The following ABCC4 variants were observed in gnomAD, a reference collection of about 807,000 sequenced individuals.
The protein encoded by ABCC4 is ATP binding cassette subfamily C member 4 (PEL blood group).
In ABCC4, 102 loss-of-function variants were observed where a neutral mutation model predicts 168.5. That is an observed-to-expected ratio of 0.61 (90% confidence interval 0.52 to 0.71). The LOEUF (loss-of-function observed/expected upper bound fraction) is 0.71. ABCC4 is among the 30% of genes least tolerant of loss of function. The pLI, the probability that ABCC4 is intolerant of heterozygous loss-of-function variation, is 0.00. For synonymous variants in ABCC4, 617 were observed against 590.7 expected (o/e 1.04, Z -0.65); for missense variants, 1,402 against 1,605.8 (o/e 0.87, Z 2.17).
chr13:95,067,203 G>A (rs923800146), intron 25 of ABCC4, among the ~76,000 whole-genome samples: 1 of 152,226 alleles, frequency 6.6e-6, no homozygotes, highest in Admixed American at 6.5e-5. Context: ...ATGGAAGGCT[G>A]TATGGTGGGA....
chr13:95,173,683 G>A (rs1393647024), intron 13 of ABCC4, among the ~76,000 whole-genome samples: 1 of 152,150 alleles, frequency 6.6e-6, no homozygotes, highest in African/African-American at 2.4e-5. Flanking sequence ...AAAAGTAGGG[G>A]AGTCCTAGAG....
At chr13:95,036,875 G>T (rs1204877304) in intron 29 of ABCC4, among the ~76,000 whole-genome samples, 1 of 152,056 alleles carries the variant, frequency 6.6e-6, no homozygotes, top group East Asian at 1.9e-4. Context: ...CTTGAGGCCA[G>T]GAGTTTGAAA....
chr13:95,223,192 A>G (rs982495352), intron 4 of ABCC4, among the ~76,000 whole-genome samples: 1 of 152,216 alleles, frequency 6.6e-6, no homozygotes, highest in Non-Finnish European at 1.5e-5. Context: ...TATTGGAGTA[A>G]AATTCAATAC....
intron 1 of ABCC4, among the ~76,000 whole-genome samples, chr13:95,283,060 C>CA (rs1380857397): frequency 6.6e-6 from 1 of 151,270 alleles, no homozygotes; most frequent in Non-Finnish European, 1.5e-5. Context: ...ACTAAAAATA[C>CA]AAAAAATTAG....
chr13:95,198,062 C>T (rs768800074), intron 8 of ABCC4, among the ~76,000 whole-genome samples: 13 of 152,032 alleles, frequency 8.6e-5, no homozygotes, highest in African/African-American at 2.9e-4. Flanking sequence ...AAAGACTTCA[C>T]GACTAAAACA....
chr13:95,114,225 C>T (rs558135296), intron 20 of ABCC4, among the ~76,000 whole-genome samples: 1 of 152,250 alleles, frequency 6.6e-6, no homozygotes, highest in South Asian at 2.1e-4. Flanking sequence ...CTAGAATTTT[C>T]CCTCCTCATG....
chr13:95,225,988 A>T (rs909159549), intron 4 of ABCC4, among the ~76,000 whole-genome samples: 6 of 148,036 alleles, frequency 4.1e-5, no homozygotes, highest in Admixed American at 2.7e-4. Context: ...AAAAAAAGAA[A>T]AAGAAATGTA....
At chr13:95,196,591 A>G (rs930424832) in intron 8 of ABCC4, among the ~76,000 whole-genome samples, 107 of 2,056 alleles carry the variant, frequency 0.052, 2 homozygotes, top group Non-Finnish European at 0.13. Context: ...GGAGGAAGGA[A>G]GGAAGGAAGG....
intron 1 of ABCC4, among the ~76,000 whole-genome samples, chr13:95,249,761 G>T (rs578136988): frequency 1.3e-5 from 2 of 152,180 alleles, no homozygotes; most frequent in African/African-American, 4.8e-5. Flanking sequence ...AAAATTCACT[G>T]GTGTCTTTTT....
chr13:95,039,756 C>T (rs2032275066), intron 29 of ABCC4, among the ~76,000 whole-genome samples: 1 of 152,162 alleles, frequency 6.6e-6, no homozygotes, highest in Non-Finnish European at 1.5e-5. Context: ...GAACAAACTG[C>T]AAAACAATTT....
At position 95,206,515 on chromosome 13, in the gene ABCC4, T is replaced by C. The variant is rs2038784713; in HGVS notation, c.1161+17A>G. ...TTCAAATGCACCTACAACTTTAAAA[T>C]GGCATCTGACACCAACCTGGATTCT... is the stretch of plus-strand genomic sequence containing the variant. On this transcript the variant is annotated intron_variant, in intron 8 of 30. Transcript: ENST00000645237. 6.2e-7 allele frequency: 1 copy of C among 1,608,258 alleles called. No individual in the cohort carries two copies. The highest frequency in any genetic ancestry group is 1.1e-5 in the South Asian group (1 of 90,986).
At chr13:95,197,695 C>T (rs932073567) in intron 8 of ABCC4, among the ~76,000 whole-genome samples, 3 of 152,094 alleles carry the variant, frequency 2.0e-5, no homozygotes, top group African/African-American at 4.8e-5. Flanking sequence ...TCAGAGTGGA[C>T]GGTTGGCAAA....
chr13:95,269,435 AT>A (rs757630693), intron 1 of ABCC4: 8,273 of 122,148 alleles, frequency 0.068, 551 homozygotes, highest in East Asian at 0.54. Flanking sequence ...CAAAAAAAAA[AT>A]ATATATATAT....
chr13:95,127,161 T>G (rs1456565136), intron 19 of ABCC4, among the ~76,000 whole-genome samples: 1 of 152,090 alleles, frequency 6.6e-6, no homozygotes, highest in Non-Finnish European at 1.5e-5. Flanking sequence ...TCACCAGTCA[T>G]TTCTAAACGC....
chr13:95,274,734 C>T (rs2040930585), intron 1 of ABCC4, among the ~76,000 whole-genome samples: 1 of 152,182 alleles, frequency 6.6e-6, no homozygotes, highest in Non-Finnish European at 1.5e-5. Flanking sequence ...TTCCTGAGCA[C>T]CTCCTCTGCC....
At chr13:95,064,699 C>T (rs909424095) in intron 25 of ABCC4, among the ~76,000 whole-genome samples, 23 of 151,992 alleles carry the variant, frequency 1.5e-4, no homozygotes, top group African/African-American at 5.1e-4. Flanking sequence ...CAGGATGGAC[C>T]CCCTCAAAGG....
chr13:95,250,996 C>A (rs1231059360), intron 1 of ABCC4, among the ~76,000 whole-genome samples: 1 of 151,994 alleles, frequency 6.6e-6, no homozygotes, highest in Non-Finnish European at 1.5e-5. Context: ...CTATGTTGCC[C>A]AGGCTGGTAT....
intron 11 of ABCC4, among the ~76,000 whole-genome samples, chr13:95,182,489 T>C (rs2037929421): frequency 6.6e-6 from 1 of 152,228 alleles, no homozygotes; most frequent in African/African-American, 2.4e-5. Context: ...AAACCCTATA[T>C]AAATATCAAT....
At chr13:95,170,047 G>A (rs1226541288) in intron 14 of ABCC4, among the ~76,000 whole-genome samples, 2 of 152,044 alleles carry the variant, frequency 1.3e-5, no homozygotes, top group African/African-American at 2.4e-5. Flanking sequence ...TAGTAGAGAC[G>A]GGGTTTCACC....
Sources: gnomAD v4.1 joint callset for allele counts (sites outside exome capture counted in the v4.1 genomes callset) on GRCh38, gnomAD v4.1.1 for gene constraint, MANE v1.5 for transcripts, NCBI Gene and HGNC (gene_info 2026-07-23, HGNC 2026-07-21) for gene names.